GABBR2: variants seen among roughly 807,000 people sequenced by gnomAD.
The protein encoded by GABBR2 is G-protein coupled receptor 51.
A neutral mutation model predicts 105.6 loss-of-function variants in GABBR2; 23 were observed. That is an observed-to-expected ratio of 0.22 (90% CI 0.16 to 0.31). The LOEUF (loss-of-function observed/expected upper bound fraction) is 0.31. GABBR2 is among the 10% of genes least tolerant of loss of function. The pLI, the probability that GABBR2 is intolerant of heterozygous loss-of-function variation, is 1.00. For missense variants in GABBR2, 734 were observed against 1,245.5 expected (o/e 0.59, Z 6.18); for synonymous variants, 478 against 499.7 (o/e 0.96, Z 0.58).
intron 1 of GABBR2, among the ~76,000 whole-genome samples, chr9:98,642,205 C>T (rs1829973579): frequency 6.6e-6 from 1 of 152,178 alleles, no homozygotes. Flanking sequence ...AACGGCCTCC[C>T]CCTCCTCCCA....
chr9:98,691,344 A>C (rs893251349), intron 1 of GABBR2, among the ~76,000 whole-genome samples: 3 of 152,168 alleles, frequency 2.0e-5, no homozygotes, highest in African/African-American at 7.2e-5. Context: ...GACAGGCTCG[A>C]TGAGTTACAG....
chr9:98,637,571 A>G (rs907664650), intron 1 of GABBR2, among the ~76,000 whole-genome samples: 6 of 152,136 alleles, frequency 3.9e-5, no homozygotes, highest in African/African-American at 1.4e-4. Context: ...TGTAATTACA[A>G]GCATCCTTAA....
At position 98,669,134 on chromosome 9, in the gene GABBR2, T is replaced by C. The variant is rs368433228; in HGVS notation, c.321+39283A>G. On this transcript the variant is annotated intron_variant, in intron 1 of 18. Transcript: ENST00000259455. ...TGAGGAACTGCCATATTGTTTTCCA[T>C]GGTGGCTGTACCATTTTACCACCAG... Among the ~76,000 whole-genome samples the C allele has an allele frequency of 2.6e-4, 40 of 152,340 alleles. 2 individuals are homozygous for C. In the South Asian group the frequency reaches 8.1e-3, roughly 31 times the overall value.
intron 6 of GABBR2, among the ~76,000 whole-genome samples, chr9:98,467,345 A>G (rs1207382052): frequency 6.6e-6 from 1 of 152,168 alleles, no homozygotes; most frequent in East Asian, 1.9e-4. Context: ...TGGCCCCTCC[A>G]TGGGCCAGTC....
intron 1 of GABBR2, among the ~76,000 whole-genome samples, chr9:98,620,785 G>T (rs1829659364): frequency 6.6e-6 from 1 of 152,164 alleles, no homozygotes; most frequent in African/African-American, 2.4e-5. Flanking sequence ...TCCGGTGGAG[G>T]GAGTTGAGGC....
chr9:98,421,248 A>G (rs149137906), intron 7 of GABBR2, among the ~76,000 whole-genome samples: 4 of 152,326 alleles, frequency 2.6e-5, no homozygotes, highest in African/African-American at 9.6e-5. Flanking sequence ...TTTTGATGAC[A>G]TCGCCTCTTT....
intron 7 of GABBR2, among the ~76,000 whole-genome samples, chr9:98,428,864 G>A (rs1237661444): frequency 6.6e-6 from 1 of 152,182 alleles, no homozygotes; most frequent in African/African-American, 2.4e-5. Flanking sequence ...CCCAGAGATG[G>A]AGAGCTGGAG....
chr9:98,438,802 G>T (rs892253927), intron 7 of GABBR2, among the ~76,000 whole-genome samples: 2 of 152,150 alleles, frequency 1.3e-5, no homozygotes, highest in Non-Finnish European at 2.9e-5. Flanking sequence ...AACCTCATGC[G>T]TAAAAAGCAC....
At chr9:98,363,810 C>G (rs959188757) in intron 12 of GABBR2, among the ~76,000 whole-genome samples, 4 of 152,160 alleles carry the variant, frequency 2.6e-5, no homozygotes, top group Non-Finnish European at 5.9e-5. Flanking sequence ...CACTTTACGT[C>G]TGTTTGATAG....
At chr9:98,426,910 C>T (rs1490532458) in intron 7 of GABBR2, among the ~76,000 whole-genome samples, 7 of 152,036 alleles carry the variant, frequency 4.6e-5, no homozygotes, top group African/African-American at 1.5e-4. Context: ...GGCTGAGGCA[C>T]GAGAATTGCT....
chr9:98,659,736 G>T (rs1455671677), intron 1 of GABBR2, among the ~76,000 whole-genome samples: 2 of 151,834 alleles, frequency 1.3e-5, no homozygotes. Context: ...GGCCAGGCTG[G>T]TCTTGAACTC....
chr9:98,608,929 C>T (rs1384474146), intron 1 of GABBR2, among the ~76,000 whole-genome samples: 1 of 152,142 alleles, frequency 6.6e-6, no homozygotes, highest in African/African-American at 2.4e-5. Flanking sequence ...GGGGAAAATG[C>T]ATTTATAGAT....
intron 7 of GABBR2, among the ~76,000 whole-genome samples, chr9:98,433,526 CTA>C (rs1825848133): frequency 6.6e-6 from 1 of 152,138 alleles, no homozygotes. Flanking sequence ...AGGCAATATC[CTA>C]TATGTTTTTT....
At chr9:98,367,446 C>T (rs781048224) in intron 12 of GABBR2, among the ~76,000 whole-genome samples, 19 of 151,710 alleles carry the variant, frequency 1.3e-4, no homozygotes, top group Non-Finnish European at 2.5e-4. Flanking sequence ...AAAGGAGAAT[C>T]GTGGTGGGCA....
chr9:98,434,058 A>T (rs1441735264), intron 7 of GABBR2, among the ~76,000 whole-genome samples: 1 of 152,184 alleles, frequency 6.6e-6, no homozygotes, highest in African/African-American at 2.4e-5. Context: ...TCCACCCTCA[A>T]TCTGAGTGGG....
At chr9:98,307,423 T>C (rs1174850646) in intron 14 of GABBR2, among the ~76,000 whole-genome samples, 1 of 152,138 alleles carries the variant, frequency 6.6e-6, no homozygotes, top group East Asian at 1.9e-4. Flanking sequence ...CAGGGACCTC[T>C]GCTTTAGTGC....
At chr9:98,648,049 C>T (rs1346309187) in intron 1 of GABBR2, among the ~76,000 whole-genome samples, 5 of 144,438 alleles carry the variant, frequency 3.5e-5, no homozygotes, top group Admixed American at 6.9e-5. Context: ...TTCATTAAGT[C>T]CCCTTCCCCT....
At chr9:98,520,943 C>A (rs919838351) in intron 3 of GABBR2, among the ~76,000 whole-genome samples, 4 of 152,096 alleles carry the variant, frequency 2.6e-5, no homozygotes, top group African/African-American at 9.7e-5. Context: ...AACTATAAAA[C>A]CAGATATGAA....
intron 1 of GABBR2, among the ~76,000 whole-genome samples, chr9:98,675,475 T>G (rs1830465169): frequency 6.6e-6 from 1 of 150,654 alleles, no homozygotes; most frequent in Non-Finnish European, 1.5e-5. Flanking sequence ...GGAAAAGGAG[T>G]GGTTAGAGAT....
Sources: gnomAD v4.1 joint callset for allele counts (sites outside exome capture counted in the v4.1 genomes callset) on GRCh38, gnomAD v4.1.1 for gene constraint, MANE v1.5 for transcripts, NCBI Gene and HGNC (gene_info 2026-07-23, HGNC 2026-07-21) for gene names.